DCP2: variants seen among roughly 807,000 people sequenced by gnomAD.
DCP2 encodes decapping mRNA 2.
In DCP2, 30 loss-of-function variants were observed where a neutral mutation model predicts 56.1. The ratio of observed to expected loss-of-function variants is 0.53; its 90% confidence interval spans 0.40 to 0.73. The LOEUF (loss-of-function observed/expected upper bound fraction) is 0.73, where lower values mean the gene tolerates loss of function less well. DCP2 is among the 30% of genes least tolerant of loss of function. The pLI is 0.00. For synonymous variants in DCP2, 197 were observed against 163.3 expected (o/e 1.21, Z -1.57); for missense variants, 533 against 502.7 (o/e 1.06, Z -0.58).
At chr5:112,993,107 C>T (rs1364936151) in intron 4 of DCP2, among the ~76,000 whole-genome samples, 1 of 151,750 alleles carries the variant, frequency 6.6e-6, no homozygotes, top group Non-Finnish European at 1.5e-5. Context: ...TGTTTATAGC[C>T]TTGGCTTCCT....
At chr5:112,985,758 A>C (rs1355136105) in intron 1 of DCP2, 77 bp from the exon 2 acceptor site, 1 of 1,528,988 alleles carries the variant, frequency 6.5e-7, no homozygotes, top group Non-Finnish European at 8.9e-7. Context: ...TGGGTCAGGT[A>C]TGAAGCACTT....
In DCP2 at chr5:113,020,333, TTTACC is replaced by T. The variant is rs1022342720; in HGVS notation, c.*6853_*6857del. ...TGCCTAGATTATAGCAATGTTTTGT[TTTACC>T]TTATAGGGCATTTTAATGCTTGGAG... On this transcript the variant is annotated 3_prime_UTR_variant, in exon 11 of 11. Transcript: ENST00000389063. 1.2e-4 allele frequency: 18 copies of T among 150,984 alleles called. No homozygotes were observed. Among genetic ancestry groups the T allele is most frequent in the African/African-American group, 3.9e-4 (16 of 41,396 alleles). The allele number at this position is 150,984 out of a possible 1,614,324, so 9.4% of individuals were successfully genotyped here. A position where few individuals can be genotyped will look rare whatever the true frequency, so the allele number is the denominator to read the frequency against.
intron 1 of DCP2, among the ~76,000 whole-genome samples, chr5:112,978,226 C>T (rs890735487): frequency 1.3e-5 from 2 of 152,218 alleles, no homozygotes; most frequent in African/African-American, 2.4e-5. Context: ...CCACCCGCCT[C>T]GGCCTCCCAA....
intron 9 of DCP2, among the ~76,000 whole-genome samples, chr5:113,009,480 C>G (rs1749584983): frequency 1.3e-5 from 2 of 152,244 alleles, no homozygotes; most frequent in South Asian, 4.2e-4. Context: ...AGAAGTAACC[C>G]AGTTGTGTAT....
At position 113,014,778 on chromosome 5, in the gene DCP2, CAT is replaced by C. The variant is rs755584670; in HGVS notation, c.*1295_*1296del. 5.9e-5 allele frequency: 9 copies of C among 152,524 alleles called. No individual in the cohort carries two copies. The highest frequency in any genetic ancestry group is 1.9e-4 in the East Asian group (1 of 5,200). 9.4% of individuals were successfully genotyped at this position (152,524 alleles called of 1,614,324 possible). A position where few individuals can be genotyped will look rare whatever the true frequency, so the allele number is the denominator to read the frequency against. ...AGTATATGTGTGTGTGTGTAACTAT[CAT>C]GTGGGTTTTAAAAATCCTTTTTTAC... On this transcript the variant is annotated 3_prime_UTR_variant, in exon 11 of 11. Coordinates refer to ENST00000389063, the MANE Select transcript of DCP2 (RefSeq NM_152624.6).
intron 7 of DCP2, among the ~76,000 whole-genome samples, chr5:113,002,799 G>C (rs1033526145): frequency 1.3e-5 from 2 of 152,236 alleles, no homozygotes; most frequent in East Asian, 1.9e-4. Flanking sequence ...TTGAGATTAC[G>C]GGCGTGAGCC....
chr5:113,001,246 A>C lies in DCP2; in HGVS notation c.585+10A>C. 6.2e-7 allele frequency: 1 copy of C among 1,611,954 alleles called. No homozygotes were observed. The highest frequency in any genetic ancestry group is 8.5e-7 in the Non-Finnish European group (1 of 1,179,276). Reference sequence around the variant, plus strand: ...TAGAAGAGAAATTCGGGTATGTAACAAGAGTATTTTCAGGTTACTGGACAG... The same window carrying C: ...TAGAAGAGAAATTCGGGTATGTAACCAGAGTATTTTCAGGTTACTGGACAG... On this transcript the variant is annotated intron_variant, in intron 5 of 10. Coordinates refer to ENST00000389063, the MANE Select transcript of DCP2 (RefSeq NM_152624.6).
intron 1 of DCP2, among the ~76,000 whole-genome samples, chr5:112,983,760 T>A (rs1169872858): frequency 6.6e-6 from 1 of 152,120 alleles, no homozygotes; most frequent in Admixed American, 6.5e-5. Context: ...TGGCACAAAT[T>A]AGAAGTAAAA....
intron 1 of DCP2, among the ~76,000 whole-genome samples, chr5:112,982,412 T>C (rs1748049741): frequency 6.6e-6 from 1 of 152,246 alleles, no homozygotes; most frequent in African/African-American, 2.4e-5. Flanking sequence ...TTACTCTTTC[T>C]TGAATATCAT....
intron 8 of DCP2, among the ~76,000 whole-genome samples, chr5:113,005,151 G>GGGGT (rs140772660): frequency 6.7e-6 from 1 of 149,420 alleles, no homozygotes; most frequent in Admixed American, 6.6e-5. Context: ...TGTGCGTGTG[G>GGGGT]GTGTGTGTGT....
At position 112,997,207 on chromosome 5, in the gene DCP2, G is replaced by A. The variant is rs946847226; in HGVS notation, c.433-3877G>A. On this transcript the variant is annotated intron_variant, in intron 4 of 10. Coordinates refer to ENST00000389063, the MANE Select transcript of DCP2 (RefSeq NM_152624.6). Reference sequence around the variant, plus strand: ...TTCCATTTTGTTTAGGTCTGTTGGGGCCTAGTGTGGGAATGCAGTCCATAC... The same window carrying A: ...TTCCATTTTGTTTAGGTCTGTTGGGACCTAGTGTGGGAATGCAGTCCATAC... Among the ~76,000 whole-genome samples, 6 of 152,300 alleles carry A rather than the reference G, an allele frequency of 3.9e-5. No individual in the cohort carries two copies. The South Asian group carries it at 6.2e-4, about 16-fold the overall frequency.
chr5:112,996,096 G>A (rs1292139138), intron 4 of DCP2, among the ~76,000 whole-genome samples: 1 of 152,192 alleles, frequency 6.6e-6, no homozygotes, highest in East Asian at 1.9e-4. Flanking sequence ...ATGGGGGGTT[G>A]AGCTTCAACA....
chr5:112,995,708 T>G (rs557018369), intron 4 of DCP2, among the ~76,000 whole-genome samples: 11 of 152,324 alleles, frequency 7.2e-5, no homozygotes, highest in Admixed American at 5.9e-4. Context: ...TTTCAGTAAA[T>G]TTTTGGATTA....
rs1749361092 is a variant in DCP2, at chr5:113,005,151, G to GTGTGT, written c.942+1074_942+1075insTGTGT. The stretch of plus-strand genomic sequence containing the variant: ...TCTCAAAAAAAAAAGTGTGCGTGTG[G>GTGTGT]GTGTGTGTGTGTGTGTGTAAACTGG... On this transcript the variant is annotated intron_variant, in intron 8 of 10. Coordinates refer to ENST00000389063, the MANE Select transcript of DCP2 (RefSeq NM_152624.6). Among the ~76,000 whole-genome samples, 484 of 149,520 alleles carry GTGTGT rather than the reference G, an allele frequency of 3.2e-3. 3 individuals are homozygous for GTGTGT. The highest frequency in any genetic ancestry group is 0.011 in the African/African-American group (433 of 40,448).
intron 8 of DCP2, among the ~76,000 whole-genome samples, chr5:113,004,751 G>A (rs376301595): frequency 2.0e-5 from 3 of 151,132 alleles, no homozygotes; most frequent in African/African-American, 4.9e-5. Context: ...AGTTCTAATC[G>A]TTGCACATCT....
rs1750019766 is a variant in DCP2, at chr5:113,019,458, TGGTTCCTTTTA to T, written c.*5979_*5989del. 6.6e-6 allele frequency: 1 copy of T among 152,236 alleles called. No individual in the cohort carries two copies. The highest frequency in any genetic ancestry group is 2.4e-5 in the African/African-American group (1 of 41,468). The allele number at this position is 152,236 out of a possible 1,614,324, so 9.4% of individuals were successfully genotyped here. A position where few individuals can be genotyped will look rare whatever the true frequency, so the allele number is the denominator to read the frequency against. The stretch of plus-strand genomic sequence containing the variant: ...CTGTTCTAGGGGACTGCTGTCTCTT[TGGTTCCTTTTA>T]GGTTTGTGTTAGGATGTTGCACAAG... On this transcript the variant is annotated 3_prime_UTR_variant, in exon 11 of 11. Transcript: ENST00000389063.
chr5:112,985,909 A>G lies in DCP2; in HGVS notation c.128A>G (p.His43Arg). 2 of 1,610,468 alleles carry G rather than the reference A, an allele frequency of 1.2e-6. No homozygotes were observed. The highest frequency in any genetic ancestry group is 1.7e-6 in the Non-Finnish European group (2 of 1,177,078). ...GTGTGTTTTCAGATTGAACTTGCCC[A>G]TTGGTTTTACTTGGATTTCTACATG... ...IRVCFQIELA[H>R]WFYLDFYMQN... is the part of the protein sequence containing the mutation. The change falls in exon 2 of 11, where the codon CAT (histidine) becomes CGT (arginine). Residue 43 changes from histidine (H) to arginine (R), a missense_variant. This residue lies in a region of DCP2 where 137 missense variants were observed against 138.2 expected (regional missense o/e 0.99). Transcript: ENST00000389063.
intron 4 of DCP2, among the ~76,000 whole-genome samples, chr5:112,997,891 G>A (rs930000152): frequency 6.6e-6 from 1 of 152,112 alleles, no homozygotes; most frequent in Admixed American, 6.5e-5. Flanking sequence ...GGGATTACAG[G>A]TGTGAGCCAC....
chr5:112,988,233 A>G (rs1052319450), intron 2 of DCP2, among the ~76,000 whole-genome samples: 2 of 151,968 alleles, frequency 1.3e-5, no homozygotes, highest in African/African-American at 4.8e-5. Context: ...CTGTAATCCC[A>G]GCACTTTGGG....
Sources: gnomAD v4.1 joint callset for allele counts (sites outside exome capture counted in the v4.1 genomes callset) on GRCh38, gnomAD v4.1.1 for gene constraint, gnomAD v4.1.1 regional missense constraint, MANE v1.5 for transcripts, NCBI Gene and HGNC (gene_info 2026-07-23, HGNC 2026-07-21) for gene names.